EPHA3: variants seen among roughly 807,000 people sequenced by gnomAD.
EPHA3 encodes the protein EPH receptor A3.
EPHA3 carries 42 observed loss-of-function variants against 107.1 expected under a neutral mutation model. The ratio of observed to expected loss-of-function variants is 0.39; its 90% CI spans 0.31 to 0.51. The LOEUF (loss-of-function observed/expected upper bound fraction) is 0.51, where lower values mean the gene tolerates loss of function less well. EPHA3 is among the 20% of genes least tolerant of loss of function. The pLI is 0.78. For missense variants in EPHA3, 1,183 were observed against 1,211.2 expected (o/e 0.98, Z 0.35); for synonymous variants, 461 against 424.8 (o/e 1.09, Z -1.05).
At chr3:89,473,550 T>C (rs955930317) in intron 16 of EPHA3, among the ~76,000 whole-genome samples, 6 of 152,212 alleles carry the variant, frequency 3.9e-5, no homozygotes, top group African/African-American at 1.2e-4. Context: ...CATAATTTTT[T>C]CTTTTTCTGC....
At chr3:89,260,270 T>C (rs1191291310) in intron 3 of EPHA3, among the ~76,000 whole-genome samples, 1 of 152,214 alleles carries the variant, frequency 6.6e-6, no homozygotes, top group Non-Finnish European at 1.5e-5. Flanking sequence ...TTTTCCACAA[T>C]GGCTTTTCCA....
At chr3:89,259,848 A>G (rs979972199) in intron 3 of EPHA3, among the ~76,000 whole-genome samples, 1 of 151,890 alleles carries the variant, frequency 6.6e-6, no homozygotes, top group African/African-American at 2.4e-5. Flanking sequence ...TCCCCATTCC[A>G]CCCATGAAAA....
At chr3:89,416,894 A>G (rs1410249895) in intron 10 of EPHA3, among the ~76,000 whole-genome samples, 3 of 151,494 alleles carry the variant, frequency 2.0e-5, no homozygotes, top group Non-Finnish European at 4.4e-5. Flanking sequence ...TCCTTTACAA[A>G]TATATGTCCA....
At chr3:89,339,197 T>C (rs1057199763) in intron 3 of EPHA3, among the ~76,000 whole-genome samples, 2 of 151,552 alleles carry the variant, frequency 1.3e-5, no homozygotes, top group Non-Finnish European at 2.9e-5. Flanking sequence ...ATGGTGAAAC[T>C]CTGTCTCTAC....
intron 15 of EPHA3, 67 bp downstream of exon 15, chr3:89,450,437 AT>A: frequency 4.0e-6 from 6 of 1,508,050 alleles, no homozygotes; most frequent in South Asian, 1.3e-5. Context: ...CAAGATGTTA[AT>A]TTTTTTAGCC....
chr3:89,238,949 G>A (rs1469587846), intron 3 of EPHA3, among the ~76,000 whole-genome samples: 3 of 152,120 alleles, frequency 2.0e-5, no homozygotes, highest in Non-Finnish European at 4.4e-5. Context: ...GAAACCTATT[G>A]TATTCTGTCT....
In EPHA3 at chr3:89,451,940, G is replaced by A. The variant is rs142526566; in HGVS notation, c.2690+1570G>A. Reference sequence around the variant, plus strand: ...GTGTGTGTTGGTGAGTGAATATGTAGGTACATTACAAGTTTGATTAACCAT... The same window carrying A: ...GTGTGTGTTGGTGAGTGAATATGTAAGTACATTACAAGTTTGATTAACCAT... On this transcript the variant is annotated intron_variant, in intron 15 of 16. Coordinates refer to ENST00000336596, the MANE Select transcript of EPHA3 (RefSeq NM_005233.6). Among the ~76,000 whole-genome samples, 1,034 of 150,924 alleles carry A rather than the reference G, an allele frequency of 6.9e-3. 12 individuals are homozygous for A. Among genetic ancestry groups the A allele is most frequent in the African/African-American group, 0.024 (1,002 of 41,178 alleles).
chr3:89,158,874 A>G (rs1270634224), intron 2 of EPHA3, among the ~76,000 whole-genome samples: 1 of 152,154 alleles, frequency 6.6e-6, no homozygotes, highest in Non-Finnish European at 1.5e-5. Flanking sequence ...ATGAAAAAAT[A>G]CATATATTTG....
At chr3:89,189,722 T>C (rs1705657998) in intron 2 of EPHA3, among the ~76,000 whole-genome samples, 1 of 152,228 alleles carries the variant, frequency 6.6e-6, no homozygotes, top group African/African-American at 2.4e-5. Context: ...ATTCTTTTTA[T>C]TCCAAAACAG....
intron 2 of EPHA3, among the ~76,000 whole-genome samples, chr3:89,157,197 C>A (rs1164212928): frequency 6.6e-6 from 1 of 152,040 alleles, no homozygotes; most frequent in Admixed American, 6.6e-5. Flanking sequence ...CTTGGCCAAC[C>A]AAATTCTGCT....
intron 2 of EPHA3, among the ~76,000 whole-genome samples, chr3:89,176,991 A>G (rs758370515): frequency 2.0e-5 from 3 of 152,128 alleles, no homozygotes; most frequent in Non-Finnish European, 4.4e-5. Flanking sequence ...TCACACACAC[A>G]CACACACGGT....
intron 3 of EPHA3, among the ~76,000 whole-genome samples, chr3:89,262,428 G>A (rs990629086): frequency 6.6e-6 from 1 of 152,118 alleles, no homozygotes; most frequent in Non-Finnish European, 1.5e-5. Flanking sequence ...GAAATCCTTG[G>A]CATTCCCTGG....
intron 5 of EPHA3, among the ~76,000 whole-genome samples, chr3:89,351,037 A>T (rs1707801983): frequency 6.6e-6 from 1 of 151,408 alleles, no homozygotes. Context: ...AAACAGGGAC[A>T]TTTAAGTCTG....
intron 3 of EPHA3, among the ~76,000 whole-genome samples, chr3:89,328,123 G>GA (rs1707209308): frequency 6.6e-6 from 1 of 151,792 alleles, no homozygotes; most frequent in African/African-American, 2.4e-5. Context: ...GAAAAAAACA[G>GA]AAAAAACTCA....
At chr3:89,141,722 T>C (rs1402045229) in intron 2 of EPHA3, among the ~76,000 whole-genome samples, 1 of 151,308 alleles carries the variant, frequency 6.6e-6, no homozygotes, top group Non-Finnish European at 1.5e-5. Flanking sequence ...AAAAGAGATG[T>C]GATCTGTTAT....
chr3:89,467,079 T>A (rs1365957258), intron 15 of EPHA3, among the ~76,000 whole-genome samples: 3 of 152,128 alleles, frequency 2.0e-5, no homozygotes, highest in African/African-American at 7.2e-5. Context: ...TGATGAAAAA[T>A]TAAATTCATT....
At chr3:89,135,860 C>G (rs1239833803) in intron 2 of EPHA3, among the ~76,000 whole-genome samples, 1 of 151,100 alleles carries the variant, frequency 6.6e-6, no homozygotes, top group African/African-American at 2.4e-5. Flanking sequence ...TCCAGTTGAG[C>G]AAATCATAGA....
chr3:89,268,574 A>C (rs1705590983), intron 3 of EPHA3, among the ~76,000 whole-genome samples: 2 of 151,908 alleles, frequency 1.3e-5, no homozygotes, highest in African/African-American at 4.8e-5. Context: ...TTTATCATAT[A>C]ATTAATGTGT....
Position 89,459,526 on chromosome 3 carries a change from G to C in EPHA3, c.2690+9156G>C, listed in dbSNP as rs867708844. Among the ~76,000 whole-genome samples, 31 of 98,904 alleles carry C rather than the reference G, an allele frequency of 3.1e-4. No homozygotes were observed. The South Asian group carries it at 3.3e-3, about 11-fold the overall frequency. 64.9% of individuals were successfully genotyped at this position (98,904 alleles called of 152,430 possible). A position where few individuals can be genotyped will look rare whatever the true frequency, so the allele number is the denominator to read the frequency against. On this transcript the variant is annotated intron_variant, in intron 15 of 16. Transcript: ENST00000336596. ...CCTTCCTTCCTTCCTTCCTTCCTTC[G>C]TTCCTTCCTTTCTTCCTTTCTTTCT...
Sources: gnomAD v4.1 joint callset for allele counts (sites outside exome capture counted in the v4.1 genomes callset) on GRCh38, gnomAD v4.1.1 for gene constraint, MANE v1.5 for transcripts, NCBI Gene and HGNC (gene_info 2026-07-23, HGNC 2026-07-21) for gene names.